ADGRL2: variants seen among roughly 807,000 people sequenced by gnomAD.
ADGRL2 encodes adhesion G protein-coupled receptor L2, also known as calcium-independent alpha-latrotoxin receptor 2.
ADGRL2 carries 44 observed loss-of-function variants against 157.4 expected under a neutral mutation model. That is an observed-to-expected ratio of 0.28 (90% confidence interval 0.22 to 0.36). The LOEUF (loss-of-function observed/expected upper bound fraction) is 0.36, where lower values mean the gene tolerates loss of function less well. Ranked by LOEUF, ADGRL2 falls within the 10% of genes least tolerant of loss-of-function variation. The pLI, the probability that ADGRL2 is intolerant of heterozygous loss-of-function variation, is 1.00. For synonymous variants in ADGRL2, 585 were observed against 624.7 expected, an observed-to-expected ratio of 0.94 and a Z score of 0.95; for missense variants, 1,510 against 1,768.9, an observed-to-expected ratio of 0.85 and a Z score of 2.63.
rs1272439318 is a variant in ADGRL2, at chr1:81,358,011, G to A, written c.-302+51502G>A. 4.6e-5 allele frequency among the ~76,000 whole-genome samples: 7 copies of A among 152,104 alleles called. No individual in the cohort carries two copies. In the East Asian group the frequency reaches 1.3e-3, roughly 29 times the overall value. Reference sequence around the variant, plus strand: ...ATAATAAAGTAAATTAGCAAAAGCTGAATAACAATCATTTTCTTATAAGTC... The same window carrying A: ...ATAATAAAGTAAATTAGCAAAAGCTAAATAACAATCATTTTCTTATAAGTC... On this transcript the variant is annotated intron_variant, in intron 1 of 24. Coordinates refer to the ADGRL2 transcript ENST00000370721.
chr1:81,604,518 C>A (rs1156730744), intron 3 of ADGRL2, among the ~76,000 whole-genome samples: 1 of 152,210 alleles, frequency 6.6e-6, no homozygotes, highest in Non-Finnish European at 1.5e-5. Flanking sequence ...GTGCCAACTG[C>A]AAGCTACTGT....
intron 2 of ADGRL2, among the ~76,000 whole-genome samples, chr1:81,578,280 C>T (rs777634502): frequency 1.1e-4 from 16 of 152,060 alleles, no homozygotes; most frequent in East Asian, 1.9e-4. Context: ...TCAGAGAGAA[C>T]GTACCAAATA....
chr1:81,526,425 G>C (rs2079457371), intron 2 of ADGRL2, among the ~76,000 whole-genome samples: 1 of 152,034 alleles, frequency 6.6e-6, no homozygotes, highest in African/African-American at 2.4e-5. Flanking sequence ...CAATATTATA[G>C]CTTGATAGGT....
chr1:81,633,060 G>A (rs1323420554), intron 3 of ADGRL2, among the ~76,000 whole-genome samples: 2 of 152,118 alleles, frequency 1.3e-5, no homozygotes, highest in African/African-American at 4.8e-5. Flanking sequence ...AGACCAGATG[G>A]TTCTCCACTC....
At chr1:81,477,865 G>T (rs533411793) in intron 2 of ADGRL2, among the ~76,000 whole-genome samples, 33 of 152,260 alleles carry the variant, frequency 2.2e-4, no homozygotes, top group African/African-American at 7.5e-4. Context: ...TACCACAGCT[G>T]CTGCAAACAT....
At chr1:81,727,469 C>T (rs922592515) in intron 1 of ADGRL2, among the ~76,000 whole-genome samples, 6 of 151,962 alleles carry the variant, frequency 3.9e-5, no homozygotes, top group East Asian at 3.9e-4. Flanking sequence ...AGTCTTGCTC[C>T]GTCACCAGGC....
intron 3 of ADGRL2, among the ~76,000 whole-genome samples, chr1:81,603,769 G>A (rs1432396909): frequency 6.6e-6 from 1 of 152,122 alleles, no homozygotes; most frequent in East Asian, 1.9e-4. Context: ...AGGAAAAGAA[G>A]CAAAGGCTCT....
At chr1:81,556,282 T>C (rs2080274807) in intron 2 of ADGRL2, among the ~76,000 whole-genome samples, 2 of 148,736 alleles carry the variant, frequency 1.3e-5, no homozygotes, top group African/African-American at 2.5e-5. Flanking sequence ...ACAACCAAAA[T>C]CCTCATCCCC....
At chr1:81,808,640 A>T (rs1334859541) in intron 1 of ADGRL2, among the ~76,000 whole-genome samples, 1 of 152,072 alleles carries the variant, frequency 6.6e-6, no homozygotes, top group African/African-American at 2.4e-5. Flanking sequence ...AATCTTAAGA[A>T]TCAAAAGAAA....
At chr1:81,797,047 A>G (rs978944849), upstream of ADGRL2, among the ~76,000 whole-genome samples, 3 of 152,186 alleles carry the variant, frequency 2.0e-5, no homozygotes, top group Non-Finnish European at 2.9e-5. Context: ...AACTTTCAAC[A>G]AGTTCTAGTT....
intron 15 of ADGRL2, among the ~76,000 whole-genome samples, chr1:81,969,886 A>G (rs1658206491): frequency 6.6e-6 from 1 of 152,192 alleles, no homozygotes; most frequent in Admixed American, 6.5e-5. Flanking sequence ...TTGTCATTAA[A>G]GCAAAATTTT....
At chr1:81,307,846 TA>T (rs1000277820) in intron 1 of ADGRL2, among the ~76,000 whole-genome samples, 2 of 151,446 alleles carry the variant, frequency 1.3e-5, no homozygotes, top group East Asian at 3.9e-4. Flanking sequence ...TCTTCTATTG[TA>T]AAAAAAAATG....
intron 3 of ADGRL2, among the ~76,000 whole-genome samples, chr1:81,652,859 T>C (rs889090536): frequency 6.6e-6 from 1 of 152,198 alleles, no homozygotes; most frequent in South Asian, 2.1e-4. Flanking sequence ...TTGAATAATA[T>C]GGCTTAGTTT....
At chr1:81,584,765 A>G (rs2080989779) in intron 3 of ADGRL2, among the ~76,000 whole-genome samples, 1 of 152,158 alleles carries the variant, frequency 6.6e-6, no homozygotes, top group Non-Finnish European at 1.5e-5. Context: ...TTCTAGCTTC[A>G]GGTTAAACAT....
At chr1:81,322,460 T>C (rs1318084326) in intron 1 of ADGRL2, among the ~76,000 whole-genome samples, 3 of 152,110 alleles carry the variant, frequency 2.0e-5, no homozygotes, top group Non-Finnish European at 4.4e-5. Flanking sequence ...AATGAGGTTT[T>C]CTAGCAAGGA....
intron 1 of ADGRL2, among the ~76,000 whole-genome samples, chr1:81,329,120 T>G (rs913146232): frequency 1.3e-5 from 2 of 152,112 alleles, no homozygotes; most frequent in East Asian, 3.9e-4. Flanking sequence ...GTTCCCACTG[T>G]CTAACTGCTC....
intron 2 of ADGRL2, among the ~76,000 whole-genome samples, chr1:81,528,644 C>T (rs1474765336): frequency 6.8e-5 from 3 of 44,444 alleles, no homozygotes; most frequent in African/African-American, 3.1e-4. Context: ...GAGACTCCAT[C>T]TCAAAAAAAA....
At chr1:81,887,106 G>C (rs1000007605) in intron 2 of ADGRL2, among the ~76,000 whole-genome samples, 1 of 152,176 alleles carries the variant, frequency 6.6e-6, no homozygotes, top group African/African-American at 2.4e-5. Context: ...TTCATACACT[G>C]ATACTAAATA....
chr1:81,605,788 A>G (rs2081420339), intron 3 of ADGRL2, among the ~76,000 whole-genome samples: 1 of 152,216 alleles, frequency 6.6e-6, no homozygotes, highest in African/African-American at 2.4e-5. Flanking sequence ...TTGTCTGTGA[A>G]TTAGATTTTG....
Sources: allele counts gnomAD v4.1 joint callset (sites outside exome capture counted in the v4.1 genomes callset), GRCh38; gene constraint gnomAD v4.1.1; transcripts MANE v1.5; gene names NCBI Gene and HGNC (gene_info 2026-07-23, HGNC 2026-07-21).